Variants in ARHGAP23 observed in about 807,000 individuals in gnomAD.
The protein encoded by ARHGAP23 is rho GTPase-activating protein 23.
ARHGAP23 carries 34 observed loss-of-function variants against 136.3 expected under a neutral mutation model. The ratio of observed to expected loss-of-function variants is 0.25; its 90% CI spans 0.19 to 0.33. The LOEUF (loss-of-function observed/expected upper bound fraction) is 0.33. Ranked by LOEUF, ARHGAP23 falls within the 10% of genes least tolerant of loss-of-function variation. The pLI, the probability that ARHGAP23 is intolerant of heterozygous loss-of-function variation, is 1.00. For synonymous variants in ARHGAP23, 832 were observed against 920.5 expected (o/e 0.90, Z 1.74); for missense variants, 1,808 against 2,139.0 (o/e 0.85, Z 3.05).
chr17:38,469,328 C>A, intron 8 of ARHGAP23, 29 bp downstream of exon 8: 4 of 1,534,344 alleles, frequency 2.6e-6, no homozygotes, highest in Non-Finnish European at 3.5e-6. Flanking sequence ...CCCAGCCCCA[C>A]CCTCTCCCTC....
In ARHGAP23 at chr17:38,463,358, C is replaced by T. The variant is rs1353690504; in HGVS notation, c.459C>T (p.Pro153=). ...SDDTLELSIM[P]KDEDILQLAY... The stretch of plus-strand genomic sequence containing the variant: ...ACACTCTGGAGCTGTCTATCATGCC[C>T]AAGGACGAGGACATCCTCCAGCTGG... The change falls in exon 6 of 24, where the codon CCC becomes CCT. Residue 153 remains proline (P), a synonymous_variant. Coordinates refer to ENST00000622683, the MANE Select transcript of ARHGAP23 (RefSeq NM_001199417.2). 4 of 1,551,568 alleles carry T rather than the reference C, an allele frequency of 2.6e-6. No homozygotes were observed. The highest frequency in any genetic ancestry group is 3.5e-6 in the Non-Finnish European group (4 of 1,146,970).
rs71138625 is a variant in ARHGAP23 at position 38,447,437 on chromosome 17, GAAAAAAAAAAAAAA to G, written c.64-10650_64-10637del. Among the ~76,000 whole-genome samples, 80 of 25,646 alleles carry G rather than the reference GAAAAAAAAAAAAAA, an allele frequency of 3.1e-3. 2 individuals are homozygous for G. In the East Asian group the frequency reaches 0.071, roughly 23 times the overall value. The allele number at this position is 25,646 out of a possible 152,430, so 16.8% of individuals were successfully genotyped here. On this transcript the variant is annotated intron_variant, in intron 1 of 23. Coordinates refer to ENST00000622683, the MANE Select transcript of ARHGAP23 (RefSeq NM_001199417.2). ...AGCCTGGGCAACAGAGACTCCGTCT[GAAAAAAAAAAAAAA>G]AAAAAAAAAAAAAAGAAATAATTTT...
Position 38,477,704 on chromosome 17 carries a change from A to C in ARHGAP23, c.2244A>C (p.Ala748=). ...CGGCGGGGGCTGCGGCGGCCGGCGCAGGTGAGGACGAGGCGGCGCCCGTCT... is the reference window on the plus strand; with the variant it reads ...CGGCGGGGGCTGCGGCGGCCGGCGCCGGTGAGGACGAGGCGGCGCCCGTCT... ...PAAAGAAAAG[A]GEDEAAPVCI... is the part of the protein sequence containing the mutation. The change falls in exon 12 of 24, where the codon GCA becomes GCC. Residue 748 remains alanine (A), a synonymous_variant. Transcript: ENST00000622683. The surrounding 1 kb of genome is among the most constrained non-coding windows in gnomAD (Gnocchi z 6.6). 1 of 1,507,412 alleles carries C rather than the reference A, an allele frequency of 6.6e-7. No individual in the cohort carries two copies. The highest frequency in any genetic ancestry group is 8.9e-7 in the Non-Finnish European group (1 of 1,125,968). 93.4% of individuals were successfully genotyped at this position (1,507,412 alleles called of 1,614,324 possible). A position where few individuals can be genotyped will look rare whatever the true frequency, so the allele number is the denominator to read the frequency against.
Position 38,428,540 on chromosome 17 carries a change from C to G in ARHGAP23, c.55C>G (p.Pro19Ala). 6.9e-7 allele frequency: 1 copy of G among 1,451,146 alleles called. No homozygotes were observed. Among genetic ancestry groups the G allele is most frequent in the South Asian group, 1.3e-5 (1 of 74,678 alleles). 89.9% of individuals were successfully genotyped at this position (1,451,146 alleles called of 1,614,324 possible). A position where few individuals can be genotyped will look rare whatever the true frequency, so the allele number is the denominator to read the frequency against. ...VGIPPRPEPR[P>A]PQLPLGPRDG... ...GATCCCGCCCCGCCCGGAGCCCCGG[C>G]CCCCACAGGTGAGGGTGCTGGGCCA... is the stretch of plus-strand genomic sequence containing the variant. The change falls in exon 1 of 24, where the codon CCC becomes GCC. Residue 19 changes from proline (P) to alanine (A), a missense_variant. Transcript: ENST00000622683.
At chr17:38,436,168 GA>G (rs1223389994) in intron 1 of ARHGAP23, among the ~76,000 whole-genome samples, 1 of 152,140 alleles carries the variant, frequency 6.6e-6, no homozygotes, top group Non-Finnish European at 1.5e-5. Context: ...TGGTCGGGGG[GA>G]TGTTTGCAAG....
In ARHGAP23 at chr17:38,510,812, A is replaced by G; in HGVS notation, c.4316A>G (p.His1439Arg). The change falls in exon 24 of 24, where the codon CAC becomes CGC. Residue 1439 changes from histidine to arginine, a missense_variant. By Grantham distance (29) the His-to-Arg change is conservative. This residue lies in a region of ARHGAP23 where 506 missense variants were observed against 455.8 expected (regional missense o/e 1.11). Transcript: ENST00000622683. The surrounding 1 kb of genome is among the most constrained non-coding windows in gnomAD (Gnocchi z 4.6). ...GPPEPAGARA[H>R]SDNKDSGLSS... ...CCGGAGCCTGCGGGCGCGCGGGCGC[A>G]CAGTGACAACAAGGACTCCGGACTC... 1 of 1,507,204 alleles carries G rather than the reference A, an allele frequency of 6.6e-7. No homozygotes were observed. Among genetic ancestry groups the G allele is most frequent in the East Asian group, 2.8e-5 (1 of 36,002 alleles). 93.4% of individuals were successfully genotyped at this position (1,507,204 alleles called of 1,614,324 possible). A position where few individuals can be genotyped will look rare whatever the true frequency, so the allele number is the denominator to read the frequency against.
chr17:38,419,476 C>CGCGCCGA (rs1025258067), intron 1 of ARHGAP23: 1 of 148,976 alleles, frequency 6.7e-6, no homozygotes, highest in Non-Finnish European at 1.5e-5. Flanking sequence ...GCGAGGTGGG[C>CGCGCCGA]GCGCCGAGCG....
intron 2 of ARHGAP23, among the ~76,000 whole-genome samples, chr17:38,458,476 A>G (rs1021334906): frequency 1.3e-5 from 2 of 152,146 alleles, no homozygotes; most frequent in South Asian, 2.1e-4. Context: ...GTGACCGTGG[A>G]CAAACACTTG....
intron 1 of ARHGAP23, among the ~76,000 whole-genome samples, chr17:38,432,636 G>A (rs891240147): frequency 1.7e-4 from 26 of 151,890 alleles, no homozygotes; most frequent in African/African-American, 5.6e-4. Flanking sequence ...CCAAGATCAC[G>A]CCATTGCATT....
At chr17:38,456,374 A>T (rs2039325587) in intron 1 of ARHGAP23, among the ~76,000 whole-genome samples, 1 of 152,210 alleles carries the variant, frequency 6.6e-6, no homozygotes, top group Non-Finnish European at 1.5e-5. Context: ...AGCTTTCTCC[A>T]GCTACGAGAA....
At chr17:38,433,107 C>T (rs1309120101) in intron 1 of ARHGAP23, among the ~76,000 whole-genome samples, 1 of 152,142 alleles carries the variant, frequency 6.6e-6, no homozygotes, top group Admixed American at 6.5e-5. Flanking sequence ...TGCATGCCAC[C>T]ATGCCCAGCT....
In ARHGAP23 at chr17:38,510,944, C is replaced by A. The variant is rs1417405033; in HGVS notation, c.4448C>A (p.Ala1483Asp). The A allele has an allele frequency of 2.7e-6, 4 of 1,458,704 alleles. No homozygotes were observed. Among genetic ancestry groups the A allele is most frequent in the Non-Finnish European group, 3.6e-6 (4 of 1,117,410 alleles). The allele number at this position is 1,458,704 out of a possible 1,614,324, so 90.4% of individuals were successfully genotyped here. Residue 1483 changes from alanine (A) to aspartate (D), a missense_variant, in exon 24 of 24, where the codon GCC becomes GAC. By Grantham distance (126) the Ala-to-Asp change is moderately radical. Transcript: ENST00000622683. The surrounding 1 kb of genome is among the most constrained non-coding windows in gnomAD (Gnocchi z 4.6). ...CAGAGCCAGCCCCCGCGCCGCTCGG[C>A]CGCCTCCCGCCTGCATCAGTGTCTG... is the stretch of plus-strand genomic sequence containing the variant. ...SLQSQPPRRS[A>D]ASRLHQCL
chr17:38,473,725 C>T (rs569104967), intron 11 of ARHGAP23, among the ~76,000 whole-genome samples: 1 of 151,858 alleles, frequency 6.6e-6, no homozygotes, highest in East Asian at 1.9e-4. Flanking sequence ...GGCTGAGACA[C>T]GAAAGGGTGA....
chr17:38,466,375 G>A lies in ARHGAP23; in HGVS notation c.692G>A (p.Arg231His), dbSNP rs760382401. The A allele has an allele frequency of 1.6e-5, 25 of 1,536,686 alleles. No individual in the cohort carries two copies. The highest frequency in any genetic ancestry group is 4.9e-5 in the East Asian group (2 of 40,758). The change falls in exon 7 of 24, where the codon CGT becomes CAT. Residue 231 changes from arginine to histidine, a missense_variant. By Grantham distance (29) the Arg-to-His change is conservative. Coordinates refer to ENST00000622683, the MANE Select transcript of ARHGAP23 (RefSeq NM_001199417.2). ...SPAAWSDPGL[R>H]VPPAARAHLD... ...GCTGCCTGGAGTGACCCGGGGCTCC[G>A]TGTGCCACCTGCTGCCCGTGCCCAC...
intron 16 of ARHGAP23, among the ~76,000 whole-genome samples, chr17:38,483,389 T>C (rs1199669931): frequency 6.6e-6 from 1 of 152,238 alleles, no homozygotes; most frequent in Non-Finnish European, 1.5e-5. Flanking sequence ...CTTAAGTGTT[T>C]CCAGCAAGGC....
At chr17:38,476,966 C>T (rs986526319) in intron 11 of ARHGAP23, among the ~76,000 whole-genome samples, 2 of 152,030 alleles carry the variant, frequency 1.3e-5, no homozygotes, top group African/African-American at 2.4e-5. Flanking sequence ...AAGCTGGGAA[C>T]GTGGGGTCTC....
At position 38,469,243 on chromosome 17, in the gene ARHGAP23, G is replaced by A; in HGVS notation, c.1748G>A (p.Ser583Asn). The A allele has an allele frequency of 6.4e-7, 1 of 1,551,614 alleles. No homozygotes were observed. Among genetic ancestry groups the A allele is most frequent in the Non-Finnish European group, 8.7e-7 (1 of 1,146,854 alleles). ...AACTCAGCCCCTGTCCTGGGCACCA[G>A]CCCATCTTCCCCGACCTTCACTTTC... is the stretch of plus-strand genomic sequence containing the variant. ...AMNSAPVLGT[S>N]PSSPTFTFTL... The change falls in exon 8 of 24, where the codon AGC becomes AAC. Residue 583 changes from serine (S) to asparagine (N), a missense_variant. By Grantham distance (46) the Ser-to-Asn change is conservative. Around this residue, in one of 7 missense-constraint regions of ARHGAP23, gnomAD observed 859 missense variants for 936.4 expected, o/e 0.92. Transcript: ENST00000622683.
rs984708049 is a variant in ARHGAP23 at position 38,511,210 on chromosome 17, G to T, written c.*238G>T. ...GGTGATGAGCAGAAGAGGAGGGGGC[G>T]TGGGCTGCTGGGGTCTGTGTCCCTG... On this transcript the variant is annotated 3_prime_UTR_variant, in exon 24 of 24. Coordinates refer to ENST00000622683, the MANE Select transcript of ARHGAP23 (RefSeq NM_001199417.2). The T allele has an allele frequency of 8.3e-6, 4 of 482,866 alleles. No homozygotes were observed. Among genetic ancestry groups the T allele is most frequent in the African/African-American group, 8.2e-5 (4 of 48,786 alleles). 29.9% of individuals were successfully genotyped at this position (482,866 alleles called of 1,614,324 possible).
intron 23 of ARHGAP23, among the ~76,000 whole-genome samples, chr17:38,501,411 C>G (rs1389666594): frequency 6.6e-6 from 1 of 152,148 alleles, no homozygotes; most frequent in African/African-American, 2.4e-5. Context: ...ACACCATTCT[C>G]CTGCCTCAGC....
Sources: allele counts gnomAD v4.1 joint callset (sites outside exome capture counted in the v4.1 genomes callset), GRCh38; gene constraint gnomAD v4.1.1; regional missense constraint gnomAD v4.1.1; non-coding constraint Gnocchi (gnomAD v3.1); transcripts MANE v1.5; gene names NCBI Gene and HGNC (gene_info 2026-07-23, HGNC 2026-07-21).